The following DOCK2 variants were observed in gnomAD, a reference collection of about 807,000 sequenced individuals.
DOCK2 encodes dedicator of cytokinesis protein 2.
In DOCK2, 87 loss-of-function variants were observed where a neutral mutation model predicts 248.9. That is an observed-to-expected ratio of 0.35 (90% CI 0.29 to 0.42). The LOEUF (loss-of-function observed/expected upper bound fraction) is 0.42. DOCK2 is among the 10% of genes least tolerant of loss of function. The pLI is 1.00. For missense variants in DOCK2, 1,747 were observed against 2,300.2 expected, an observed-to-expected ratio of 0.76 and a Z score of 4.92; for synonymous variants, 805 against 821.6, an observed-to-expected ratio of 0.98 and a Z score of 0.35.
chr5:169,761,266 A>G (rs1049959070), intron 24 of DOCK2: 6 of 377,430 alleles, frequency 1.6e-5, no homozygotes, highest in African/African-American at 6.1e-5. Flanking sequence ...CAAAATGCAA[A>G]GTGTGTGCTT....
chr5:169,787,658 C>G (rs1445025440), intron 25 of DOCK2, among the ~76,000 whole-genome samples: 1 of 151,426 alleles, frequency 6.6e-6, no homozygotes, highest in Non-Finnish European at 1.5e-5. Flanking sequence ...TCTCCTCAGT[C>G]AGTCCTCATT....
intron 26 of DOCK2, among the ~76,000 whole-genome samples, chr5:169,820,206 C>T (rs964214162): frequency 4.6e-5 from 7 of 152,202 alleles, no homozygotes; most frequent in African/African-American, 1.4e-4. Context: ...AAGGCATAGC[C>T]GAACAAAAGG....
intron 30 of DOCK2, among the ~76,000 whole-genome samples, chr5:170,006,263 T>C (rs1398704476): frequency 6.6e-6 from 1 of 152,220 alleles, no homozygotes. Context: ...ATTCCAAATG[T>C]TACAAGAAAC....
At chr5:169,658,608 G>A (rs1435165459) in intron 2 of DOCK2, among the ~76,000 whole-genome samples, 1 of 150,836 alleles carries the variant, frequency 6.6e-6, no homozygotes, top group East Asian at 1.9e-4. Flanking sequence ...AAATATAAAC[G>A]AAGAGTTGAC....
chr5:169,654,390 T>C lies in DOCK2; in HGVS notation c.44-13T>C. 1 of 1,614,082 alleles carries C rather than the reference T, an allele frequency of 6.2e-7. No individual in the cohort carries two copies. Among genetic ancestry groups the C allele is most frequent in the Non-Finnish European group, 8.5e-7 (1 of 1,179,958 alleles). Reference sequence around the variant, plus strand: ...AGAGGTCTCACCTAGCTGTCTTTCTTTCTGTTTCACAGCCATATACAACTT... The same window carrying C: ...AGAGGTCTCACCTAGCTGTCTTTCTCTCTGTTTCACAGCCATATACAACTT... On this transcript the variant is annotated splice_polypyrimidine_tract_variant and intron_variant, in intron 1 of 51. Transcript: ENST00000520908.
Position 170,081,842 on chromosome 5 carries a change from C to T in DOCK2, c.5288C>T (p.Ala1763Val), listed in dbSNP as rs1554130617. The T allele has an allele frequency of 6.2e-7, 1 of 1,612,088 alleles. No homozygotes were observed. The highest frequency in any genetic ancestry group is 8.5e-7 in the Non-Finnish European group (1 of 1,179,382). The stretch of plus-strand genomic sequence containing the variant: ...CACCCCAGCTCTGCTCTCCTTCCAG[C>T]CCTGGCGCTCTCAGTGGCAGGCATC... ...FASQSMPTIP[A>V]LALSVAGIPG... Residue 1763 changes from alanine to valine, a missense_variant and splice_region_variant, in exon 51 of 52, where the codon GCC becomes GTC. Transcript: ENST00000520908.
At chr5:169,885,851 G>A (rs2113520053) in intron 27 of DOCK2, among the ~76,000 whole-genome samples, 1 of 149,108 alleles carries the variant, frequency 6.7e-6, no homozygotes, top group South Asian at 2.2e-4. Flanking sequence ...TTCCAATATT[G>A]CATTATCTCA....
At chr5:169,930,251 A>G (rs1382847338) in intron 27 of DOCK2, among the ~76,000 whole-genome samples, 2 of 152,140 alleles carry the variant, frequency 1.3e-5, no homozygotes, top group African/African-American at 2.4e-5. Context: ...CGGCCTCCCA[A>G]AGTGCTGGGA....
At chr5:169,733,615 A>T (rs1561646903) in intron 22 of DOCK2, among the ~76,000 whole-genome samples, 1 of 152,136 alleles carries the variant, frequency 6.6e-6, no homozygotes, top group Non-Finnish European at 1.5e-5. Context: ...TTAATCTTGT[A>T]GACTTAACTT....
In DOCK2 at chr5:170,042,074, A is replaced by G; in HGVS notation, c.3818A>G (p.His1273Arg). The G allele has an allele frequency of 6.2e-7, 1 of 1,613,664 alleles. No homozygotes were observed. Among genetic ancestry groups the G allele is most frequent in the Non-Finnish European group, 8.5e-7 (1 of 1,179,766 alleles). Residue 1273 changes from histidine to arginine, a missense_variant, in exon 38 of 52, where the codon CAC becomes CGC. Physicochemically the swap from His to Arg is conservative, Grantham distance 29 (BLOSUM62 0). Around this residue, in one of 4 missense-constraint regions of DOCK2, gnomAD observed 858 missense variants for 1,183.5 expected, o/e 0.72. Coordinates refer to ENST00000520908, the MANE Select transcript of DOCK2 (RefSeq NM_004946.3). ...MQTGQQHPQT[H>R]RQLKETLYET... ...ACAGGCCAGCAGCACCCCCAGACAC[A>G]CCGGCAGCTGAAGGAGACGCTCTAC...
At chr5:169,770,062 C>T (rs531316245) in intron 25 of DOCK2, among the ~76,000 whole-genome samples, 26 of 152,246 alleles carry the variant, frequency 1.7e-4, no homozygotes, top group Non-Finnish European at 2.8e-4. Flanking sequence ...AAGAACAGAC[C>T]TCAATTGTAC....
intron 30 of DOCK2, among the ~76,000 whole-genome samples, chr5:170,005,605 G>GT (rs1344235520): frequency 3.3e-5 from 5 of 152,148 alleles, no homozygotes; most frequent in Non-Finnish European, 7.3e-5. Flanking sequence ...ACTCTTACGG[G>GT]TAGAGGGTTT....
At chr5:169,918,222 G>C (rs1469043317) in intron 27 of DOCK2, among the ~76,000 whole-genome samples, 1 of 152,182 alleles carries the variant, frequency 6.6e-6, no homozygotes, top group Admixed American at 6.5e-5. Flanking sequence ...TGCACATCCT[G>C]TTTTGTCTAG....
rs925344245 is a variant in DOCK2, at chr5:169,763,596, G to A, written c.2554+1971G>A. Among the ~76,000 whole-genome samples, 37 of 152,210 alleles carry A rather than the reference G, an allele frequency of 2.4e-4. No individual in the cohort carries two copies. The highest frequency in any genetic ancestry group is 8.9e-4 in the African/African-American group (37 of 41,452). ...GCCACATCTCCAGGGCTGGGAGGAG[G>A]CCTCTGAGGGTTAGCATCATGGCAG... On this transcript the variant is annotated intron_variant, in intron 25 of 51. Coordinates refer to ENST00000520908, the MANE Select transcript of DOCK2 (RefSeq NM_004946.3). This position sits in a 1 kb window ranked among gnomAD's most constrained non-coding sequence, Gnocchi z 4.1.
At chr5:169,946,523 C>T (rs957304423) in intron 27 of DOCK2, among the ~76,000 whole-genome samples, 55 of 152,208 alleles carry the variant, frequency 3.6e-4, no homozygotes, top group Admixed American at 6.5e-4. Context: ...TCCAGCAAAA[C>T]ACTGCAAAGA....
intron 39 of DOCK2, among the ~76,000 whole-genome samples, chr5:170,046,873 ATATCT>A (rs1190450494): frequency 2.0e-5 from 3 of 152,136 alleles, no homozygotes; most frequent in Non-Finnish European, 4.4e-5. Flanking sequence ...AGATCCACAT[ATATCT>A]TCCAGATTGT....
chr5:170,008,359 A>G, intron 30 of DOCK2, 138 bp from the exon 31 acceptor site: 1 of 822,352 alleles, frequency 1.2e-6, no homozygotes, highest in South Asian at 1.7e-5. Flanking sequence ...AGTGCCAGTT[A>G]GAAAATTGCA....
intron 25 of DOCK2, among the ~76,000 whole-genome samples, chr5:169,784,318 C>T (rs533139109): frequency 1.4e-4 from 22 of 152,076 alleles, no homozygotes; most frequent in East Asian, 1.9e-4. Flanking sequence ...AAAACACAGA[C>T]GGGAAAAGTT....
intron 27 of DOCK2, among the ~76,000 whole-genome samples, chr5:169,897,623 G>C (rs1417203693): frequency 3.3e-5 from 5 of 152,214 alleles, no homozygotes; most frequent in Non-Finnish European, 7.3e-5. Context: ...CAGCCCCATG[G>C]TTGAGAGCCT....
Sources: allele counts gnomAD v4.1 joint callset (sites outside exome capture counted in the v4.1 genomes callset), GRCh38; gene constraint gnomAD v4.1.1; regional missense constraint gnomAD v4.1.1; non-coding constraint Gnocchi (gnomAD v3.1); transcripts MANE v1.5; gene names NCBI Gene and HGNC (gene_info 2026-07-23, HGNC 2026-07-21).